Variants in SNX30 observed in about 807,000 individuals in gnomAD.
SNX30 encodes sorting nexin-30.
Under a neutral mutation model 46.4 loss-of-function variants are expected in SNX30, and 24 were observed. The observed-to-expected ratio is 0.52, with a 90% CI of 0.37 to 0.73. The LOEUF is 0.73. Among genes scored for constraint, SNX30 ranks in the 30% least tolerant of loss-of-function variants. The pLI is 0.00. For synonymous variants in SNX30, 189 were observed against 211.5 expected (o/e 0.89, Z 0.92); for missense variants, 533 against 555.7 (o/e 0.96, Z 0.41).
chr9:112,791,730 T>G (rs1370063316), intron 1 of SNX30, among the ~76,000 whole-genome samples: 1 of 152,164 alleles, frequency 6.6e-6, no homozygotes, highest in Non-Finnish European at 1.5e-5. Context: ...TTTTACTTCT[T>G]AATTTTACTT....
intron 1 of SNX30, among the ~76,000 whole-genome samples, chr9:112,791,997 C>T (rs1481397646): frequency 6.6e-6 from 1 of 151,928 alleles, no homozygotes; most frequent in Non-Finnish European, 1.5e-5. Context: ...TTAGTTGTTA[C>T]TTTATTAATG....
chr9:112,778,877 A>C (rs1839795239), intron 1 of SNX30, among the ~76,000 whole-genome samples: 1 of 109,814 alleles, frequency 9.1e-6, no homozygotes, highest in South Asian at 4.3e-4. Context: ...GTACAGGGGC[A>C]TGATGAGAGA....
At chr9:112,765,610 G>T (rs896420969) in intron 1 of SNX30, among the ~76,000 whole-genome samples, 2 of 152,120 alleles carry the variant, frequency 1.3e-5, no homozygotes, top group African/African-American at 4.8e-5. Context: ...CCTCCATGTT[G>T]TATGTATCAG....
At chr9:112,766,475 T>C (rs2796028) in intron 1 of SNX30, among the ~76,000 whole-genome samples, 140,995 of 152,228 alleles carry the variant, frequency 0.93, 65,344 homozygotes, top group East Asian at 1. Flanking sequence ...TTAAGTACCC[T>C]GGCTTGTTTT....
At chr9:112,829,069 T>C (rs111825495) in intron 3 of SNX30, among the ~76,000 whole-genome samples, 1 of 152,222 alleles carries the variant, frequency 6.6e-6, no homozygotes, top group African/African-American at 2.4e-5. Context: ...TTTTCCATGA[T>C]GTAGCATGTT....
At chr9:112,831,288 G>C (rs187314198) in intron 4 of SNX30, among the ~76,000 whole-genome samples, 6 of 152,238 alleles carry the variant, frequency 3.9e-5, no homozygotes, top group Admixed American at 3.9e-4. Flanking sequence ...AATCCATATA[G>C]ATGGATTCTA....
At chr9:112,791,656 G>C (rs780744544) in intron 1 of SNX30, among the ~76,000 whole-genome samples, 1 of 151,878 alleles carries the variant, frequency 6.6e-6, no homozygotes, top group Admixed American at 6.6e-5. Flanking sequence ...TGATCCACCC[G>C]CCTTGGCCTC....
chr9:112,865,777 A>G (rs34347529), intron 8 of SNX30, among the ~76,000 whole-genome samples: 41,169 of 146,770 alleles, frequency 0.28, 6,111 homozygotes, highest in Middle Eastern at 0.4. Context: ...GTATGTATGT[A>G]TATATATATA....
At chr9:112,833,094 A>C (rs1840695504) in intron 4 of SNX30, among the ~76,000 whole-genome samples, 1 of 152,062 alleles carries the variant, frequency 6.6e-6, no homozygotes, top group Non-Finnish European at 1.5e-5. Context: ...CTAAGTGTAC[A>C]GTTCAGTAGT....
chr9:112,868,787 C>G lies in SNX30; in HGVS notation c.1258C>G (p.Leu420Val). The change falls in exon 9 of 9, where the codon CTC becomes GTC. Residue 420 changes from leucine to valine, a missense_variant. This residue lies in a region of SNX30 where 261 missense variants were observed against 270.9 expected (regional missense o/e 0.96). Transcript: ENST00000374232. ...TGTGTGTATGTTGTCGTTCCAGTGCCTCATGGCGTGGGAGTCGATTATTCC... is the reference window on the plus strand; with the variant it reads ...TGTGTGTATGTTGTCGTTCCAGTGCGTCATGGCGTGGGAGTCGATTATTCC... ...DKNIQYYEKC[L>V]MAWESIIPLL... 6.2e-7 allele frequency: 1 copy of G among 1,614,054 alleles called. No individual in the cohort carries two copies. The highest frequency in any genetic ancestry group is 8.5e-7 in the Non-Finnish European group (1 of 1,179,908).
intron 2 of SNX30, among the ~76,000 whole-genome samples, chr9:112,817,180 G>C (rs1840409548): frequency 6.6e-6 from 1 of 151,712 alleles, no homozygotes; most frequent in Non-Finnish European, 1.5e-5. Flanking sequence ...TTTACTTTTT[G>C]TTTATTTCCT....
At chr9:112,777,716 G>A (rs1009836274) in intron 1 of SNX30, among the ~76,000 whole-genome samples, 2 of 135,946 alleles carry the variant, frequency 1.5e-5, no homozygotes, top group South Asian at 4.6e-4. Flanking sequence ...CCAAAGCTTT[G>A]GGATTACAGG....
intron 1 of SNX30, among the ~76,000 whole-genome samples, chr9:112,762,498 A>G (rs954290262): frequency 1.3e-5 from 2 of 151,236 alleles, no homozygotes; most frequent in African/African-American, 4.9e-5. Flanking sequence ...TTGCGGTAGC[A>G]TGTGAAAAAT....
chr9:112,867,792 C>G (rs1484618041), intron 8 of SNX30, among the ~76,000 whole-genome samples: 1 of 149,430 alleles, frequency 6.7e-6, no homozygotes, highest in African/African-American at 2.5e-5. Flanking sequence ...TTCTCAGAAC[C>G]CCTCTCCACT....
chr9:112,865,706 T>C (rs1346032276), intron 8 of SNX30, among the ~76,000 whole-genome samples: 1 of 142,430 alleles, frequency 7.0e-6, no homozygotes. Flanking sequence ...CACACATATA[T>C]ATACACACAT....
chr9:112,763,512 A>C (rs534594412), intron 1 of SNX30, among the ~76,000 whole-genome samples: 5 of 151,272 alleles, frequency 3.3e-5, no homozygotes, highest in Non-Finnish European at 7.4e-5. Flanking sequence ...GTGAGCCACT[A>C]TACCTGGCCC....
chr9:112,835,916 T>A (rs1440197068), intron 4 of SNX30, among the ~76,000 whole-genome samples: 2 of 152,084 alleles, frequency 1.3e-5, no homozygotes, highest in Admixed American at 6.5e-5. Context: ...TTAAAAAAAA[T>A]TATGTTAGAA....
intron 7 of SNX30, among the ~76,000 whole-genome samples, chr9:112,857,568 G>A (rs904214046): frequency 7.2e-5 from 11 of 152,146 alleles, no homozygotes; most frequent in African/African-American, 1.4e-4. Context: ...CAGCAGCCAC[G>A]AGCTCCCCTT....
chr9:112,820,137 C>A (rs745705355), intron 3 of SNX30, among the ~76,000 whole-genome samples: 13 of 152,286 alleles, frequency 8.5e-5, no homozygotes, highest in Middle Eastern at 3.4e-3. Context: ...TTCCGGAATG[C>A]CCAAAGTGGA....
Sources: allele counts gnomAD v4.1 joint callset (sites outside exome capture counted in the v4.1 genomes callset), GRCh38; gene constraint gnomAD v4.1.1; regional missense constraint gnomAD v4.1.1; transcripts MANE v1.5; gene names NCBI Gene and HGNC (gene_info 2026-07-23, HGNC 2026-07-21).